The following MYO5B variants were observed in gnomAD, a reference collection of about 807,000 sequenced individuals.
MYO5B encodes the protein myosin VB.
Under a neutral mutation model 229.3 loss-of-function variants are expected in MYO5B, and 143 were observed. The observed-to-expected ratio is 0.62, with a 90% CI of 0.54 to 0.72. MYO5B has a LOEUF of 0.72. Ranked by LOEUF, MYO5B falls within the 30% of genes least tolerant of loss-of-function variation. MYO5B has a pLI of 0.00. For synonymous variants in MYO5B, 918 were observed against 885.2 expected (o/e 1.04, Z -0.66); for missense variants, 2,321 against 2,331.0 (o/e 1.00, Z 0.09).
intron 33 of MYO5B, among the ~76,000 whole-genome samples, chr18:49,844,980 G>C (rs2024107179): frequency 6.6e-6 from 1 of 152,180 alleles, no homozygotes; most frequent in African/African-American, 2.4e-5. Context: ...GTTTGGATGG[G>C]GTCTTTTGGA....
At chr18:50,100,022 C>T (rs1161739385) in intron 1 of MYO5B, among the ~76,000 whole-genome samples, 2 of 152,202 alleles carry the variant, frequency 1.3e-5, no homozygotes, top group South Asian at 2.1e-4. Flanking sequence ...TCCCACATCA[C>T]TATAGGTGCC....
At chr18:49,949,643 T>A (rs979286518) in intron 14 of MYO5B, among the ~76,000 whole-genome samples, 5 of 152,188 alleles carry the variant, frequency 3.3e-5, no homozygotes, top group African/African-American at 9.6e-5. Context: ...TGTTAATTTC[T>A]TATCAAGGAT....
Position 49,912,085 on chromosome 18 carries a change from A to G in MYO5B, c.2179T>C (p.Ser727Pro), listed in dbSNP as rs1397183978. ...ANTDKKAICRSVLENLIKDPD... is the reference protein window; with the variant it reads ...ANTDKKAICRPVLENLIKDPD... Reference sequence around the variant, plus strand: ...ACCTTGATGAGGTTCTCCAGGACAGACCTGCAGATGGCCTTTTTGTCTGTG... The same window carrying G: ...ACCTTGATGAGGTTCTCCAGGACAGGCCTGCAGATGGCCTTTTTGTCTGTG... Residue 727 changes from serine to proline, a missense_variant, in exon 18 of 40, where the codon TCT (serine) becomes CCT (proline). Physicochemically the swap from Ser to Pro is moderately conservative, Grantham distance 74 (BLOSUM62 -1). Coordinates refer to ENST00000285039, the MANE Select transcript of MYO5B (RefSeq NM_001080467.3). The G allele has an allele frequency of 6.2e-7, 1 of 1,613,888 alleles. No homozygotes were observed.
chr18:49,860,482 A>G (rs967522666), intron 29 of MYO5B, among the ~76,000 whole-genome samples: 1 of 152,168 alleles, frequency 6.6e-6, no homozygotes, highest in Admixed American at 6.5e-5. Flanking sequence ...AGCTTTGTGG[A>G]AGCAGAAGTG....
chr18:50,116,028 T>C (rs1378354457), intron 1 of MYO5B, among the ~76,000 whole-genome samples: 1 of 152,104 alleles, frequency 6.6e-6, no homozygotes, highest in East Asian at 1.9e-4. Context: ...CATCCCCCCA[T>C]CTCTTCAGGG....
At chr18:50,133,840 T>G (rs2032292446) in intron 1 of MYO5B, among the ~76,000 whole-genome samples, 2 of 151,888 alleles carry the variant, frequency 1.3e-5, no homozygotes, top group African/African-American at 4.8e-5. Flanking sequence ...GAGAACCATA[T>G]GGCCACAAAA....
chr18:50,102,786 C>G (rs535980861), intron 1 of MYO5B, among the ~76,000 whole-genome samples: 17 of 152,138 alleles, frequency 1.1e-4, no homozygotes, highest in African/African-American at 3.9e-4. Context: ...TAGCCTGTCC[C>G]AAAACCCCCC....
chr18:50,123,034 AT>A (rs1429343434), intron 1 of MYO5B, among the ~76,000 whole-genome samples: 25 of 152,366 alleles, frequency 1.6e-4, no homozygotes, highest in African/African-American at 5.5e-4. Flanking sequence ...TGGCAGCATT[AT>A]TCACAACAGG....
intron 12 of MYO5B, among the ~76,000 whole-genome samples, chr18:49,955,646 G>A (rs2025484426): frequency 6.6e-6 from 1 of 152,112 alleles, no homozygotes; most frequent in African/African-American, 2.4e-5. Flanking sequence ...GATTCATTTT[G>A]GCATAACTAA....
intron 1 of MYO5B, among the ~76,000 whole-genome samples, chr18:50,156,268 A>C (rs1031307096): frequency 1.3e-5 from 2 of 152,218 alleles, no homozygotes; most frequent in Admixed American, 6.5e-5. Context: ...TACTGTTTCA[A>C]GATGCTAAGA....
At chr18:49,888,481 G>T (rs2024671568) in intron 22 of MYO5B, among the ~76,000 whole-genome samples, 1 of 152,212 alleles carries the variant, frequency 6.6e-6, no homozygotes, top group Admixed American at 6.5e-5. Context: ...TTCTAGGTGG[G>T]AAGAACAAGT....
intron 7 of MYO5B, among the ~76,000 whole-genome samples, chr18:49,987,124 A>T (rs1369579092): frequency 2.6e-5 from 4 of 152,156 alleles, no homozygotes; most frequent in African/African-American, 9.7e-5. Context: ...GCTACGAATC[A>T]GATAGACACC....
At position 49,902,808 on chromosome 18, in the gene MYO5B, G is replaced by C. The variant is rs1223179131; in HGVS notation, c.2597C>G (p.Thr866Ser). ...RQVLMEHKATTIQKHVRGWMA... is the reference protein window; with the variant it reads ...RQVLMEHKATSIQKHVRGWMA... ...CCAGCCCCGCACGTGCTTCTGGATG[G>C]TGGTGGCCTTGTGCTCCATGAGGAC... The change falls in exon 21 of 40, where the codon ACC becomes AGC. Residue 866 changes from threonine (T) to serine (S), a missense_variant. Thr to Ser is a moderately conservative substitution (Grantham distance 58). Coordinates refer to ENST00000285039, the MANE Select transcript of MYO5B (RefSeq NM_001080467.3). The C allele has an allele frequency of 1.2e-6, 2 of 1,601,326 alleles. No homozygotes were observed. The highest frequency in any genetic ancestry group is 2.7e-5 in the African/African-American group (2 of 74,916).
At chr18:50,095,596 A>G (rs1474674304) in intron 1 of MYO5B, among the ~76,000 whole-genome samples, 1 of 152,226 alleles carries the variant, frequency 6.6e-6, no homozygotes, top group African/African-American at 2.4e-5. Context: ...ACCTAAGCCC[A>G]GCCCCATTGT....
At chr18:49,939,804 G>C (rs1475032420) in intron 14 of MYO5B, among the ~76,000 whole-genome samples, 1 of 152,194 alleles carries the variant, frequency 6.6e-6, no homozygotes, top group Non-Finnish European at 1.5e-5. Flanking sequence ...AAATATAAAA[G>C]GGCTTCAGAT....
chr18:50,074,073 A>T (rs575510271), intron 1 of MYO5B, among the ~76,000 whole-genome samples: 32 of 152,332 alleles, frequency 2.1e-4, no homozygotes, highest in Non-Finnish European at 4.0e-4. Context: ...GAGACTGGGA[A>T]GAAAAAGAGG....
At chr18:49,844,575 C>T (rs1210041819) in intron 33 of MYO5B, among the ~76,000 whole-genome samples, 1 of 152,204 alleles carries the variant, frequency 6.6e-6, no homozygotes, top group Non-Finnish European at 1.5e-5. Flanking sequence ...TGTCCCTGCT[C>T]CAACGCATCC....
At chr18:49,864,029 A>C in intron 28 of MYO5B, 112 bp downstream of exon 28, 2 of 1,511,910 alleles carry the variant, frequency 1.3e-6, no homozygotes, top group Non-Finnish European at 1.8e-6. Flanking sequence ...ACAGCGAGAG[A>C]CTCTGCTCTT....
At chr18:50,052,185 C>T (rs1348656912) in intron 2 of MYO5B, among the ~76,000 whole-genome samples, 1 of 152,148 alleles carries the variant, frequency 6.6e-6, no homozygotes, top group African/African-American at 2.4e-5. Context: ...TACCTTTTGA[C>T]CCAGCCATCC....
Sources: gnomAD v4.1 joint callset for allele counts (sites outside exome capture counted in the v4.1 genomes callset) on GRCh38, gnomAD v4.1.1 for gene constraint, MANE v1.5 for transcripts, NCBI Gene and HGNC (gene_info 2026-07-23, HGNC 2026-07-21) for gene names.